The following KLHL17 variants were observed in gnomAD, a reference collection of about 807,000 sequenced individuals.
KLHL17 encodes the protein kelch like family member 17.
KLHL17 carries 71 observed loss-of-function variants against 64.6 expected under a neutral mutation model. The ratio of observed to expected loss-of-function variants is 1.10; its 90% CI spans 0.91 to 1.34. The LOEUF is 1.34. Ranked by LOEUF, KLHL17 falls within the 40% of genes most tolerant of loss-of-function variation. KLHL17 has a pLI of 0.00. For synonymous variants in KLHL17, 612 were observed against 405.4 expected (o/e 1.51, Z -6.12); for missense variants, 1,140 against 935.0 (o/e 1.22, Z -2.86).
intron 4 of KLHL17, 53 bp from the exon 5 acceptor site, chr1:962,302 C>T (rs1642694190): frequency 1.1e-5 from 17 of 1,609,438 alleles, no homozygotes; most frequent in Non-Finnish European, 1.4e-5. Context: ...TCAGGGCTCC[C>T]TGGGTCCACA....
rs1247777585 is a variant in KLHL17, at chr1:961,749, A to C, written c.488A>C (p.Gln163Pro). ...ATTGTGGTGGGCGAGGGCAATGTGC[A>C]GGTGAGGGCTCCCTCACCCGGATCC... ...AEIVVGEGNV[Q>P]TLLPAASLLQ... The change falls in exon 3 of 12, where the codon CAG (glutamine) becomes CCG (proline). Residue 163 changes from glutamine to proline, a missense_variant and splice_region_variant. Gln to Pro is a moderately conservative substitution (Grantham distance 76, BLOSUM62 -1). Transcript: ENST00000338591. The C allele has an allele frequency of 1.2e-6, 2 of 1,611,956 alleles. No individual in the cohort carries two copies. Among genetic ancestry groups the C allele is most frequent in the Non-Finnish European group, 8.5e-7 (1 of 1,179,508 alleles).
rs557759294 is a variant in KLHL17 at position 962,687 on chromosome 1, C to T, written c.829-17C>T. The T allele has an allele frequency of 3.6e-5, 57 of 1,570,542 alleles. No homozygotes were observed. Among genetic ancestry groups the T allele is most frequent in the South Asian group, 9.3e-5 (8 of 85,826 alleles). On this transcript the variant is annotated splice_polypyrimidine_tract_variant and intron_variant, in intron 5 of 11. Coordinates refer to ENST00000338591, the MANE Select transcript of KLHL17 (RefSeq NM_198317.3). ...GCCCGAGGGTCCCGCCTGACCTTGG[C>T]GTTCCCTGCACCCCAGCTCATGAAG...
Position 961,371 on chromosome 1 carries a change from C to T in KLHL17, c.186C>T (p.Arg62=), listed in dbSNP as rs757592510. Residue 62 remains arginine (R), a synonymous_variant, in exon 2 of 12, where the codon CGC becomes CGT. Coordinates refer to ENST00000338591, the MANE Select transcript of KLHL17 (RefSeq NM_198317.3). Reference sequence around the variant, plus strand: ...AGGGAGCCGTGCAGCTGCTGAGCCGCGAGGGCCACAGCGTGGCCCACAACT... The same window carrying T: ...AGGGAGCCGTGCAGCTGCTGAGCCGTGAGGGCCACAGCGTGGCCCACAACT... ...PMEGAVQLLS[R]EGHSVAHNSK... 6.9e-6 allele frequency: 11 copies of T among 1,597,576 alleles called. No individual in the cohort carries two copies. In the African/African-American group the frequency reaches 8.0e-5, roughly 12 times the overall value.
In KLHL17 at chr1:965,076, T is replaced by C. The variant is rs1326476023; in HGVS notation, c.1814T>C (p.Val605Ala). 1.2e-6 allele frequency: 2 copies of C among 1,612,358 alleles called. No individual in the cohort carries two copies. Among genetic ancestry groups the C allele is most frequent in the East Asian group, 2.2e-5 (1 of 44,872 alleles). ...EKYNPRTNKW[V>A]AASCMFTRRS... The stretch of plus-strand genomic sequence containing the variant: ...TACAACCCGAGGACCAACAAGTGGG[T>C]GGCCGCATCCTGCATGTTCACCCGG... Residue 605 changes from valine to alanine, a missense_variant, in exon 12 of 12, where the codon GTG becomes GCG. Physicochemically the swap from Val to Ala is moderately conservative, Grantham distance 64 (BLOSUM62 0). Coordinates refer to ENST00000338591, the MANE Select transcript of KLHL17 (RefSeq NM_198317.3).
Position 965,022 on chromosome 1 carries a change from G to A in KLHL17, c.1760G>A (p.Gly587Asp). ...GWLYAVGGND[G>D]SSSLNSIEKY... Reference sequence around the variant, plus strand: ...TTGTACGCCGTGGGGGGTAACGACGGTAGCTCCAGCCTCAACTCCATCGAG... The same window carrying A: ...TTGTACGCCGTGGGGGGTAACGACGATAGCTCCAGCCTCAACTCCATCGAG... The change falls in exon 12 of 12, where the codon GGT becomes GAT. Residue 587 changes from glycine (G) to aspartate (D), a missense_variant. Physicochemically the swap from Gly to Asp is moderately conservative, Grantham distance 94. Coordinates refer to ENST00000338591, the MANE Select transcript of KLHL17 (RefSeq NM_198317.3). 1 of 1,612,552 alleles carries A rather than the reference G, an allele frequency of 6.2e-7. No homozygotes were observed. The highest frequency in any genetic ancestry group is 8.5e-7 in the Non-Finnish European group (1 of 1,179,780).
intron 8 of KLHL17, chr1:963,717 C>A (rs896814687): frequency 1.6e-5 from 13 of 817,604 alleles, no homozygotes; most frequent in Non-Finnish European, 2.5e-5. Flanking sequence ...AGTCCAGAGG[C>A]TGGGCCCAGG....
Position 965,259 on chromosome 1 carries a change from G to T in KLHL17, c.*68G>T, listed in dbSNP as rs903007138. 4.4e-5 allele frequency: 57 copies of T among 1,303,166 alleles called. No homozygotes were observed. In the African/African-American group the frequency reaches 7.3e-4, roughly 17 times the overall value. 80.7% of individuals were successfully genotyped at this position (1,303,166 alleles called of 1,614,324 possible). ...GGGGACCGTGGCCCCCACCAGGGAC[G>T]TCCTGCGCCATCCGTTCACGTCTCT... On this transcript the variant is annotated 3_prime_UTR_variant, in exon 12 of 12. Transcript: ENST00000338591.
chr1:962,882 G>T lies in KLHL17; in HGVS notation c.1007G>T (p.Arg336Leu), dbSNP rs148661653. The change falls in exon 6 of 12, where the codon CGC becomes CTC. Residue 336 changes from arginine (R) to leucine (L), a missense_variant. Arg to Leu is a moderately radical substitution (Grantham distance 102). Transcript: ENST00000338591. ...GGCACCAGCCGCACACGTCCCCGGCGCTGCGAGGGGGCCGGGCCTGTGCTT... is the reference window on the plus strand; with the variant it reads ...GGCACCAGCCGCACACGTCCCCGGCTCTGCGAGGGGGCCGGGCCTGTGCTT... Reference protein sequence around the residue: ...VLGTSRTRPRRCEGAGPVLFA... With the variant: ...VLGTSRTRPRLCEGAGPVLFA... 3 of 1,574,860 alleles carry T rather than the reference G, an allele frequency of 1.9e-6. No homozygotes were observed. In the South Asian group the frequency reaches 3.4e-5, roughly 18 times the overall value.
rs772755308 is a variant in KLHL17, at chr1:963,226, T to C, written c.1160T>C (p.Val387Ala). 2 of 1,606,226 alleles carry C rather than the reference T, an allele frequency of 1.2e-6. No individual in the cohort carries two copies. The highest frequency in any genetic ancestry group is 1.7e-6 in the Non-Finnish European group (2 of 1,175,710). The change falls in exon 7 of 12, where the codon GTG becomes GCG. Residue 387 changes from valine to alanine, a missense_variant. Physicochemically the swap from Val to Ala is moderately conservative, Grantham distance 64. Transcript: ENST00000338591. ...CGGGCCCGGGTGGGAGTGGCTGCGG[T>C]GGGGAACCGGCTCTATGCTGTGGGC... Reference protein sequence around the residue: ...TRRARVGVAAVGNRLYAVGGY... With the variant: ...TRRARVGVAAAGNRLYAVGGY...
In KLHL17 at chr1:965,064, C is replaced by A. The variant is rs1569996793; in HGVS notation, c.1802C>A (p.Thr601Asn). 6.2e-7 allele frequency: 1 copy of A among 1,612,638 alleles called. No individual in the cohort carries two copies. Among genetic ancestry groups the A allele is most frequent in the South Asian group, 1.1e-5 (1 of 91,076 alleles). Residue 601 changes from threonine (T) to asparagine (N), a missense_variant, in exon 12 of 12, where the codon ACC becomes AAC. Transcript: ENST00000338591. ...TCCATCGAGAAGTACAACCCGAGGA[C>A]CAACAAGTGGGTGGCCGCATCCTGC... ...LNSIEKYNPR[T>N]NKWVAASCMF...
intron 6 of KLHL17, 71 bp from the exon 7 acceptor site, chr1:963,038 C>T (rs767668555): frequency 6.4e-7 from 1 of 1,574,546 alleles, no homozygotes; most frequent in South Asian, 1.1e-5. Context: ...TCAGGGGCCT[C>T]TCCAGGAGCC....
rs763990796 is a variant in KLHL17 at position 961,764 on chromosome 1, C to T, written c.489+14C>T. On this transcript the variant is annotated intron_variant, in intron 3 of 11. Coordinates refer to ENST00000338591, the MANE Select transcript of KLHL17 (RefSeq NM_198317.3). The stretch of plus-strand genomic sequence containing the variant: ...GGCAATGTGCAGGTGAGGGCTCCCT[C>T]ACCCGGATCCCGGTGTCCCCCGACC... 9.9e-6 allele frequency: 16 copies of T among 1,611,626 alleles called. No individual in the cohort carries two copies. The Admixed American group carries it at 2.7e-4, about 27-fold the overall frequency.
chr1:960,723 CA>C lies in KLHL17; in HGVS notation c.31del (p.Arg11GlyfsTer50). 1 of 1,343,132 alleles carries C rather than the reference CA, an allele frequency of 7.4e-7. No homozygotes were observed. The highest frequency in any genetic ancestry group is 9.6e-7 in the Non-Finnish European group (1 of 1,039,896). 83.2% of individuals were successfully genotyped at this position (1,343,132 alleles called of 1,614,324 possible). On this transcript the variant is annotated frameshift_variant, in exon 1 of 12. Coordinates refer to ENST00000338591, the MANE Select transcript of KLHL17 (RefSeq NM_198317.3). LOFTEE classifies it high-confidence loss of function. ...AGCCCCGCAGCGAGCGCCCGGCCGG[CA>C]GGACGCAGAGCCCGGAGCACGGCAG... MQPRSERPAGRTQSPEHGSPG... is the reference protein window; with the variant it reads MQPRSERPAGXTQSPEHGSPG...
chr1:963,260 C>T lies in KLHL17; in HGVS notation c.1187+7C>T. On this transcript the variant is annotated splice_region_variant and intron_variant, in intron 7 of 11. Transcript: ENST00000338591. ...GGCTCTATGCTGTGGGCGGGTAAGC[C>T]TGGAGGCTGGACTTGGGTCGGGTCT... The T allele has an allele frequency of 6.2e-7, 1 of 1,600,256 alleles. No individual in the cohort carries two copies.
chr1:962,057 G>A lies in KLHL17; in HGVS notation c.711+10G>A. The A allele has an allele frequency of 6.2e-7, 1 of 1,611,282 alleles. No individual in the cohort carries two copies. The highest frequency in any genetic ancestry group is 8.5e-7 in the Non-Finnish European group (1 of 1,179,074). On this transcript the variant is annotated intron_variant, in intron 4 of 11. Coordinates refer to ENST00000338591, the MANE Select transcript of KLHL17 (RefSeq NM_198317.3). ...GCTGCCCCTGAAACAGGTAACAGCT[G>A]GCGGGCCCAGCCCTCGCCCCCCACC...
At chr1:962,224 G>A (rs1337665378) in intron 4 of KLHL17, 131 bp from the exon 5 acceptor site, 1 of 1,469,184 alleles carries the variant, frequency 6.8e-7, no homozygotes, top group Non-Finnish European at 9.4e-7. Flanking sequence ...TGTGGCTCCT[G>A]ACTCTGCTCG....
chr1:962,560 C>G (rs1642707614), intron 5 of KLHL17, 89 bp downstream of exon 5: 1 of 1,556,606 alleles, frequency 6.4e-7, no homozygotes, highest in Non-Finnish European at 8.7e-7. Context: ...TCCCCGAGTT[C>G]AGGGACTCCG....
At chr1:960,926 G>C (rs1254373954) in intron 1 of KLHL17, 126 bp downstream of exon 1, 3 of 718,240 alleles carry the variant, frequency 4.2e-6, no homozygotes, top group African/African-American at 1.9e-5. Context: ...ACTCAGGTGC[G>C]GAGCGGGGTC....
intron 1 of KLHL17, 53 bp downstream of exon 1, chr1:960,853 C>G (rs946576749): frequency 2.0e-6 from 2 of 980,014 alleles, no homozygotes; most frequent in Non-Finnish European, 2.4e-6. Flanking sequence ...CTGCGCGGCC[C>G]CCGCCCTCGC....
Sources: gnomAD v4.1 joint callset for allele counts on GRCh38, gnomAD v4.1.1 for gene constraint, MANE v1.5 for transcripts, NCBI Gene and HGNC (gene_info 2026-07-23, HGNC 2026-07-21) for gene names.